TENM4: variants seen among roughly 807,000 people sequenced by gnomAD.
TENM4 encodes teneurin transmembrane protein 4.
A neutral mutation model predicts 243.3 loss-of-function variants in TENM4; 82 were observed. That is an observed-to-expected ratio of 0.34 (90% CI 0.28 to 0.40). The LOEUF is 0.40. TENM4 is among the 10% of genes least tolerant of loss of function. The pLI, the probability that TENM4 is intolerant of heterozygous loss-of-function variation, is 1.00. For missense variants in TENM4, 3,138 were observed against 3,673.3 expected (o/e 0.85, Z 3.77); for synonymous variants, 1,412 against 1,456.3 (o/e 0.97, Z 0.69).
rs149888034 is a variant in TENM4, at chr11:78,666,849, GAGTT to G, written c.7408+2084_7408+2087del. Among the ~76,000 whole-genome samples, 978 of 152,328 alleles carry G rather than the reference GAGTT, an allele frequency of 6.4e-3. 6 individuals are homozygous for G. Among genetic ancestry groups the G allele is most frequent in the African/African-American group, 0.022 (934 of 41,570 alleles). ...TCTGCCAAGTGCCAGATAGCATAGA[GAGTT>G]AGTCATGTTAGTGCTATTCTGGAAG... is the stretch of plus-strand genomic sequence containing the variant. On this transcript the variant is annotated intron_variant, in intron 32 of 33. Coordinates refer to ENST00000278550, the MANE Select transcript of TENM4 (RefSeq NM_001098816.3).
chr11:79,130,684 G>A (rs538754461), intron 4 of TENM4, among the ~76,000 whole-genome samples: 31 of 152,144 alleles, frequency 2.0e-4, no homozygotes, highest in African/African-American at 6.3e-4. Flanking sequence ...TTAGCTGGGC[G>A]TGGTGACAGG....
At chr11:78,795,981 A>G (rs971208836) in intron 15 of TENM4, among the ~76,000 whole-genome samples, 10 of 152,120 alleles carry the variant, frequency 6.6e-5, no homozygotes, top group African/African-American at 2.4e-4. Context: ...CGAGAGTCAG[A>G]GCTGCTTCAA....
At chr11:79,146,393 C>T (rs11237730) in intron 4 of TENM4, among the ~76,000 whole-genome samples, 9,330 of 152,112 alleles carry the variant, frequency 0.061, 397 homozygotes, top group Non-Finnish European at 0.09. Flanking sequence ...TACCAGTTTC[C>T]AATTCTTCTG....
intron 20 of TENM4, among the ~76,000 whole-genome samples, 155 bp from the exon 21 acceptor site, chr11:78,732,732 C>T (rs183031553): frequency 6.6e-6 from 1 of 152,152 alleles, no homozygotes; most frequent in Non-Finnish European, 1.5e-5. Context: ...GACTGCAGCT[C>T]CAAACAATGG....
Position 78,937,813 on chromosome 11 carries a change from C to T in TENM4, c.494-34290G>A, listed in dbSNP as rs573855853. Among the ~76,000 whole-genome samples the T allele has an allele frequency of 2.0e-3, 302 of 152,292 alleles. 1 individual carries two copies. Among genetic ancestry groups the T allele is most frequent in the African/African-American group, 6.7e-3 (280 of 41,570 alleles). On this transcript the variant is annotated intron_variant, in intron 6 of 33. Transcript: ENST00000278550. ...GCCCCCTCTGCTGTAATTTAAACAA[C>T]GAATGCACTTTTTGGTCTCTGTTTC...
At chr11:79,210,563 A>G (rs910104152) in intron 3 of TENM4, among the ~76,000 whole-genome samples, 1 of 152,204 alleles carries the variant, frequency 6.6e-6, no homozygotes, top group Non-Finnish European at 1.5e-5. Context: ...AAAAGCGGTC[A>G]TGGGCCTTGA....
intron 6 of TENM4, among the ~76,000 whole-genome samples, chr11:78,942,758 T>A (rs560737720): frequency 1.3e-5 from 2 of 151,198 alleles, no homozygotes; most frequent in Non-Finnish European, 2.9e-5. Flanking sequence ...TACTACCTCA[T>A]TTGCCTCCCT....
intron 2 of TENM4, among the ~76,000 whole-genome samples, chr11:79,255,951 G>A (rs563375755): frequency 5.9e-5 from 9 of 152,246 alleles, no homozygotes; most frequent in African/African-American, 1.7e-4. Flanking sequence ...TCTACCCTTC[G>A]CTGCCCTTTT....
chr11:79,112,954 T>A (rs145756673), intron 4 of TENM4, among the ~76,000 whole-genome samples: 1 of 152,266 alleles, frequency 6.6e-6, no homozygotes, highest in East Asian at 1.9e-4. Flanking sequence ...CTCACTTCCA[T>A]CAAGCACTAA....
chr11:79,409,426 C>T (rs1361187449), intron 1 of TENM4, among the ~76,000 whole-genome samples: 1 of 152,074 alleles, frequency 6.6e-6, no homozygotes, highest in Non-Finnish European at 1.5e-5. Context: ...ATTTGTGTGA[C>T]CCAGTGGAGA....
At chr11:78,722,543 C>G (rs963856449) in intron 24 of TENM4, 125 bp downstream of exon 24, 170 of 1,355,000 alleles carry the variant, frequency 1.3e-4, no homozygotes, top group Non-Finnish European at 1.5e-4. Flanking sequence ...TGAAAAGTCT[C>G]AGAGCCTGAC....
At position 78,698,427 on chromosome 11, in the gene TENM4, A is replaced by AACCAACCAAC. The variant is rs1324562908; in HGVS notation, c.5087+3098_5087+3099insGTTGGTTGGT. On this transcript the variant is annotated intron_variant, in intron 28 of 33. Coordinates refer to ENST00000278550, the MANE Select transcript of TENM4 (RefSeq NM_001098816.3). ...CCAAACCAACCAACCAACCAACCAA[A>AACCAACCAAC]CAAACAAACAAATAAACAAACAGCT... Among the ~76,000 whole-genome samples, 323 of 130,228 alleles carry AACCAACCAAC rather than the reference A, an allele frequency of 2.5e-3. 2 individuals are homozygous for AACCAACCAAC. Among genetic ancestry groups the AACCAACCAAC allele is most frequent in the Non-Finnish European group, 4.1e-3 (246 of 60,190 alleles). 85.4% of individuals were successfully genotyped at this position (130,228 alleles called of 152,430 possible).
intron 6 of TENM4, among the ~76,000 whole-genome samples, chr11:78,974,708 T>TTTTTC (rs201330511): frequency 4.1e-5 from 6 of 147,602 alleles, no homozygotes; most frequent in Non-Finnish European, 7.4e-5. Flanking sequence ...TTTCTTTCTG[T>TTTTTC]TTTTCTTTTC....
At chr11:78,706,464 G>T (rs488826) in intron 27 of TENM4, among the ~76,000 whole-genome samples, 1 of 152,032 alleles carries the variant, frequency 6.6e-6, no homozygotes, top group Non-Finnish European at 1.5e-5. Flanking sequence ...ATGGGGCAGC[G>T]GAGTAGAGAG....
rs564716303 is a variant in TENM4 at position 79,186,608 on chromosome 11, C to T, written c.-163+29200G>A. On this transcript the variant is annotated intron_variant, in intron 3 of 33. Coordinates refer to ENST00000278550, the MANE Select transcript of TENM4 (RefSeq NM_001098816.3). ...TTACGGAGAAAAGCAGAGGGTGGTG[C>T]GATGATAAACTAGGCTATCACCCAT... Among the ~76,000 whole-genome samples the T allele has an allele frequency of 3.3e-5, 5 of 152,166 alleles. No individual in the cohort carries two copies. In the South Asian group the frequency reaches 6.2e-4, roughly 19 times the overall value.
At chr11:79,049,164 A>C (rs1372168538) in intron 6 of TENM4, among the ~76,000 whole-genome samples, 2 of 152,146 alleles carry the variant, frequency 1.3e-5, no homozygotes, top group Non-Finnish European at 2.9e-5. Context: ...AGCAGCACAC[A>C]GACAGTCACT....
chr11:79,078,717 T>G (rs1373591773), intron 4 of TENM4, among the ~76,000 whole-genome samples: 1 of 152,220 alleles, frequency 6.6e-6, no homozygotes, highest in Non-Finnish European at 1.5e-5. Context: ...AGACAGTGAT[T>G]ATAATAATGG....
intron 1 of TENM4, among the ~76,000 whole-genome samples, chr11:79,423,326 G>A (rs1396388404): frequency 7.0e-6 from 1 of 142,808 alleles, no homozygotes; most frequent in African/African-American, 2.6e-5. Flanking sequence ...TGAAGAAACC[G>A]AGGCCCAGGG....
chr11:79,259,650 C>T (rs1236220157), intron 2 of TENM4, among the ~76,000 whole-genome samples: 1 of 133,642 alleles, frequency 7.5e-6, no homozygotes, highest in Non-Finnish European at 1.6e-5. Flanking sequence ...TCCATCCATC[C>T]ATCCATCTAT....
Sources: allele counts gnomAD v4.1 joint callset (sites outside exome capture counted in the v4.1 genomes callset), GRCh38; gene constraint gnomAD v4.1.1; transcripts MANE v1.5; gene names NCBI Gene and HGNC (gene_info 2026-07-23, HGNC 2026-07-21).